Variants in THSD4 observed in about 807,000 individuals in gnomAD.
THSD4 encodes the protein thrombospondin type 1 domain containing 4.
THSD4 carries 69 observed loss-of-function variants against 119.0 expected under a neutral mutation model. The ratio of observed to expected loss-of-function variants is 0.58; its 90% CI spans 0.48 to 0.71. The LOEUF (loss-of-function observed/expected upper bound fraction) is 0.71. Ranked by LOEUF, THSD4 falls within the 30% of genes least tolerant of loss-of-function variation. The pLI is 0.00. For missense variants in THSD4, 1,393 were observed against 1,391.1 expected, an observed-to-expected ratio of 1.00 and a Z score of -0.02; for synonymous variants, 524 against 540.4, an observed-to-expected ratio of 0.97 and a Z score of 0.42.
At chr15:71,749,575 C>T (rs1331554571) in intron 14 of THSD4, among the ~76,000 whole-genome samples, 2 of 152,146 alleles carry the variant, frequency 1.3e-5, no homozygotes, top group Admixed American at 6.5e-5. Context: ...GCTAGAATCC[C>T]GTGCGTACAC....
intron 6 of THSD4, among the ~76,000 whole-genome samples, chr15:71,373,529 A>G (rs543083075): frequency 3.4e-4 from 52 of 152,344 alleles, no homozygotes; most frequent in Non-Finnish European, 5.9e-4. Flanking sequence ...ATTGAAACAC[A>G]TTGACATACC....
intron 3 of THSD4, chr15:71,186,397 C>T (rs2043603799): frequency 6.6e-6 from 1 of 152,264 alleles, no homozygotes; most frequent in Non-Finnish European, 1.5e-5. Flanking sequence ...GGAAGAGCAA[C>T]CTGTGTTTCC....
chr15:71,154,781 T>G, intron 2 of THSD4, 82 bp from the exon 3 acceptor site: 904 of 1,368,892 alleles, frequency 6.6e-4, no homozygotes, highest in Non-Finnish European at 8.4e-4. Flanking sequence ...CATCCACTGA[T>G]GAGATGGCGA....
chr15:71,704,890 A>G (rs1452666449), intron 8 of THSD4, among the ~76,000 whole-genome samples: 1 of 152,216 alleles, frequency 6.6e-6, no homozygotes, highest in East Asian at 1.9e-4. Flanking sequence ...CGAGAAGTAC[A>G]TAGTGATACC....
chr15:71,503,824 C>T (rs1441145053), intron 7 of THSD4, among the ~76,000 whole-genome samples: 1 of 152,170 alleles, frequency 6.6e-6, no homozygotes, highest in Non-Finnish European at 1.5e-5. Context: ...ATAGTAAAGT[C>T]AAAAGAGGCA....
chr15:71,280,247 G>T (rs1567179736), intron 6 of THSD4, among the ~76,000 whole-genome samples: 1 of 146,982 alleles, frequency 6.8e-6, no homozygotes, highest in Non-Finnish European at 1.5e-5. Flanking sequence ...AACAGTGTAG[G>T]ACGAGGTTGG....
intron 11 of THSD4, among the ~76,000 whole-genome samples, chr15:71,741,494 A>T (rs2053234020): frequency 6.8e-6 from 1 of 147,536 alleles, no homozygotes; most frequent in South Asian, 2.1e-4. Context: ...CTCCGTCTCA[A>T]AACAAAACAA....
chr15:71,547,133 T>C, intron 7 of THSD4: 1 of 1,095,370 alleles, frequency 9.1e-7, no homozygotes, highest in South Asian at 2.7e-5. Flanking sequence ...CTCCCCTTTC[T>C]GCTTTCTGTT....
rs373465889 is a variant in THSD4, at chr15:71,712,990, C to T, written c.1358-15559C>T. On this transcript the variant is annotated intron_variant, in intron 8 of 17. Transcript: ENST00000261862. ...AAATTTTAAAACATCAAGTTTACAT[C>T]TGTAAAAGTTGAATTAATTGTTGAA... Among the ~76,000 whole-genome samples the T allele has an allele frequency of 1.2e-4, 19 of 152,236 alleles. No individual in the cohort carries two copies. The South Asian group carries it at 3.5e-3, about 28-fold the overall frequency.
At chr15:71,186,768 A>C (rs1334161531) in intron 3 of THSD4, 1 of 152,242 alleles carries the variant, frequency 6.6e-6, no homozygotes, top group East Asian at 1.9e-4. Flanking sequence ...ACCAGTTATT[A>C]TTGCAAGGCA....
intron 7 of THSD4, among the ~76,000 whole-genome samples, chr15:71,566,315 AC>A (rs1388149120): frequency 1.3e-5 from 2 of 152,158 alleles, no homozygotes; most frequent in Non-Finnish European, 2.9e-5. Context: ...AAGTAAAAAT[AC>A]CCAGAAGTCT....
At chr15:71,224,886 A>G (rs2044002498) in intron 4 of THSD4, among the ~76,000 whole-genome samples, 2 of 152,172 alleles carry the variant, frequency 1.3e-5, no homozygotes. Context: ...CTCCCATGTC[A>G]AAATCCTTAA....
rs570721443 is a variant in THSD4 at position 71,672,802 on chromosome 15, G to A, written c.1357+12068G>A. Among the ~76,000 whole-genome samples the A allele has an allele frequency of 3.4e-4, 51 of 152,236 alleles. No individual in the cohort carries two copies. The Middle Eastern group carries it at 0.01, about 30-fold the overall frequency. ...TGACGGATTATGTTTATTGATTTGCGTATGTTGAACCAGCCTTGGATCCCA... is the reference window on the plus strand; with the variant it reads ...TGACGGATTATGTTTATTGATTTGCATATGTTGAACCAGCCTTGGATCCCA... On this transcript the variant is annotated intron_variant, in intron 8 of 17. Coordinates refer to ENST00000261862, the MANE Select transcript of THSD4 (RefSeq NM_024817.3).
chr15:71,330,922 A>G (rs957256622), intron 6 of THSD4, among the ~76,000 whole-genome samples: 11 of 152,212 alleles, frequency 7.2e-5, no homozygotes, highest in African/African-American at 2.7e-4. Context: ...AGTGACATGG[A>G]CACTAACCCG....
rs556100483 is a variant in THSD4 at position 71,276,295 on chromosome 15, T to C, written c.1015+19580T>C. Among the ~76,000 whole-genome samples the C allele has an allele frequency of 6.6e-5, 10 of 152,376 alleles. No individual in the cohort carries two copies. The South Asian group carries it at 2.1e-3, about 32-fold the overall frequency. On this transcript the variant is annotated intron_variant, in intron 6 of 17. Coordinates refer to ENST00000261862, the MANE Select transcript of THSD4 (RefSeq NM_024817.3). ...ACAACATCCAGTGTACCTCTTCGGA[T>C]ATTTTAATACAATCATGTTGTCACC... is the stretch of plus-strand genomic sequence containing the variant.
chr15:71,608,217 T>A, intron 7 of THSD4, among the ~76,000 whole-genome samples: 1 of 92,772 alleles, frequency 1.1e-5, no homozygotes, highest in Admixed American at 1.4e-4. Flanking sequence ...AGCAAAACTC[T>A]GTCTCAAAAA....
At chr15:71,731,043 G>C in intron 9 of THSD4, 78 bp from the exon 10 acceptor site, 11 of 1,361,838 alleles carry the variant, frequency 8.1e-6, no homozygotes, top group South Asian at 2.4e-5. Flanking sequence ...TTTCTCAGTA[G>C]TTCTGCAAAT....
intron 7 of THSD4, among the ~76,000 whole-genome samples, chr15:71,659,972 G>T (rs1213001752): frequency 6.6e-6 from 1 of 152,104 alleles, no homozygotes; most frequent in Non-Finnish European, 1.5e-5. Context: ...TGGGAAAAGT[G>T]CTCTGGGGTA....
At chr15:71,705,314 C>T (rs921804965) in intron 8 of THSD4, among the ~76,000 whole-genome samples, 1 of 152,064 alleles carries the variant, frequency 6.6e-6, no homozygotes, top group African/African-American at 2.4e-5. Flanking sequence ...GCAAGGCGGG[C>T]GGCACCTAAT....
Sources: allele counts gnomAD v4.1 joint callset (sites outside exome capture counted in the v4.1 genomes callset), GRCh38; gene constraint gnomAD v4.1.1; transcripts MANE v1.5; gene names NCBI Gene and HGNC (gene_info 2026-07-23, HGNC 2026-07-21).